The following LHFPL4 variants were observed in gnomAD, a reference collection of about 807,000 sequenced individuals.
The protein encoded by LHFPL4 is LHFPL tetraspan subfamily member 4 protein.
In LHFPL4, 6 loss-of-function variants were observed where a neutral mutation model predicts 20.0. That is an observed-to-expected ratio of 0.30 (90% CI 0.16 to 0.59). The LOEUF is 0.59. Among genes scored for constraint, LHFPL4 ranks in the 20% least tolerant of loss-of-function variants. The probability of loss-of-function intolerance (pLI) is 0.88; values close to 1 mark genes in which losing one functional copy is unlikely to be tolerated. For synonymous variants in LHFPL4, 129 were observed against 143.8 expected, an observed-to-expected ratio of 0.90 and a Z score of 0.74; for missense variants, 215 against 331.2, an observed-to-expected ratio of 0.65 and a Z score of 2.72.
At chr3:9,529,256 T>G (rs559308417) in intron 2 of LHFPL4, among the ~76,000 whole-genome samples, 3 of 151,858 alleles carry the variant, frequency 2.0e-5, no homozygotes, top group Non-Finnish European at 4.4e-5. Context: ...CTCGAACTCC[T>G]GATCTTGTGA....
intron 2 of LHFPL4, among the ~76,000 whole-genome samples, chr3:9,545,110 G>C (rs561587502): frequency 6.6e-6 from 1 of 152,178 alleles, no homozygotes; most frequent in South Asian, 2.1e-4. Context: ...ACAAGAAGAG[G>C]GGTGGGGAGA....
chr3:9,505,598 G>A (rs1483193641), intron 3 of LHFPL4, among the ~76,000 whole-genome samples: 3 of 152,084 alleles, frequency 2.0e-5, no homozygotes, highest in Admixed American at 6.6e-5. Context: ...TAATTTTTTT[G>A]TATTTTTAGT....
At chr3:9,524,995 G>GC (rs1553647802) in intron 2 of LHFPL4, among the ~76,000 whole-genome samples, 1 of 152,070 alleles carries the variant, frequency 6.6e-6, no homozygotes, top group Non-Finnish European at 1.5e-5. Context: ...AGTTGTTGCT[G>GC]TTTTTTTCTT....
intron 2 of LHFPL4, among the ~76,000 whole-genome samples, chr3:9,537,335 C>T (rs1358295216): frequency 6.6e-6 from 1 of 152,142 alleles, no homozygotes; most frequent in Non-Finnish European, 1.5e-5. Context: ...GGTTCCAGAC[C>T]TTGAGGGGCT....
At position 9,499,316 on chromosome 3, in the gene LHFPL4, C is replaced by A. The variant is rs758794062; in HGVS notation, c.*2895G>T. The A allele has an allele frequency of 6.5e-6, 1 of 152,684 alleles. No homozygotes were observed. Among genetic ancestry groups the A allele is most frequent in the Non-Finnish European group, 1.5e-5 (1 of 68,422 alleles). 9.5% of individuals were successfully genotyped at this position (152,684 alleles called of 1,614,324 possible). On this transcript the variant is annotated 3_prime_UTR_variant, in exon 4 of 4. Transcript: ENST00000287585. ...TCACCTGGGGCCCCCACTGGAGCAC[C>A]TGCCACCTGCCCCATCCACACCTCT...
intron 2 of LHFPL4, among the ~76,000 whole-genome samples, chr3:9,517,263 T>A (rs866568577): frequency 2.0e-5 from 3 of 152,144 alleles, no homozygotes; most frequent in African/African-American, 7.2e-5. Context: ...AGGATTGTGA[T>A]TGAGATTGCA....
chr3:9,510,953 A>C, intron 2 of LHFPL4, among the ~76,000 whole-genome samples: 1 of 150,734 alleles, frequency 6.6e-6, no homozygotes, highest in Non-Finnish European at 1.5e-5. Context: ...TAAATAAATA[A>C]ATAAATAAAT....
intron 2 of LHFPL4, among the ~76,000 whole-genome samples, chr3:9,527,755 T>C (rs746859612): frequency 3.3e-5 from 5 of 151,622 alleles, no homozygotes; most frequent in Admixed American, 6.6e-5. Flanking sequence ...GGCGGAATAA[T>C]TTTTTTAAAA....
chr3:9,547,446 G>A (rs1408184169), intron 2 of LHFPL4, among the ~76,000 whole-genome samples: 1 of 152,212 alleles, frequency 6.6e-6, no homozygotes, highest in Non-Finnish European at 1.5e-5. Context: ...TTATAGCTCT[G>A]TAATTTGTGT....
chr3:9,523,055 A>AAG (rs1553647459), intron 2 of LHFPL4, among the ~76,000 whole-genome samples: 38 of 122,806 alleles, frequency 3.1e-4, no homozygotes, highest in Admixed American at 9.2e-4. Context: ...AAAAAAAAAA[A>AAG]AAAGAAAGAA....
At chr3:9,547,787 C>CTTTGTTTTGTTTTGTTTTGTTTTGT (rs368545231) in intron 2 of LHFPL4, among the ~76,000 whole-genome samples, 3 of 146,594 alleles carry the variant, frequency 2.0e-5, no homozygotes, top group Non-Finnish European at 4.4e-5. Context: ...GATTTTTGTT[C>CTTTGTTTTGTTTTGTTTTGTTTTGT]TTTGTTTTGT....
intron 2 of LHFPL4, among the ~76,000 whole-genome samples, chr3:9,546,601 C>T (rs890120482): frequency 6.6e-6 from 1 of 152,150 alleles, no homozygotes; most frequent in African/African-American, 2.4e-5. Context: ...GAACTTGTCC[C>T]TTCTCTCTGA....
At chr3:9,516,260 A>C (rs1383949930) in intron 2 of LHFPL4, among the ~76,000 whole-genome samples, 4 of 152,122 alleles carry the variant, frequency 2.6e-5, no homozygotes, top group Admixed American at 2.6e-4. Context: ...TGAAGAGTGT[A>C]AGGTCTATGT....
chr3:9,515,341 T>C (rs1442637797), intron 2 of LHFPL4, among the ~76,000 whole-genome samples: 1 of 152,148 alleles, frequency 6.6e-6, no homozygotes, highest in East Asian at 1.9e-4. Flanking sequence ...TTTAATTAGG[T>C]TGTTTCTTTT....
Position 9,498,756 on chromosome 3 carries a change from C to A in LHFPL4, c.*3455G>T, listed in dbSNP as rs1369343709. 1 of 152,668 alleles carries A rather than the reference C, an allele frequency of 6.6e-6. No homozygotes were observed. The highest frequency in any genetic ancestry group is 1.5e-5 in the Non-Finnish European group (1 of 68,052). The allele number at this position is 152,668 out of a possible 1,614,324, so 9.5% of individuals were successfully genotyped here. A position where few individuals can be genotyped will look rare whatever the true frequency, so the allele number is the denominator to read the frequency against. On this transcript the variant is annotated 3_prime_UTR_variant, in exon 4 of 4. Coordinates refer to ENST00000287585, the MANE Select transcript of LHFPL4 (RefSeq NM_198560.3). ...CACTGGAAGCTGGAGAAAGGTTATT[C>A]CCCGTGTGCCCAAGCAGGATGCTCA...
At chr3:9,503,571 A>G (rs1450743164) in intron 3 of LHFPL4, among the ~76,000 whole-genome samples, 1 of 152,146 alleles carries the variant, frequency 6.6e-6, no homozygotes, top group Non-Finnish European at 1.5e-5. Context: ...AAGAGCTTGG[A>G]CTTTGGACTT....
chr3:9,548,339 A>G (rs1157854565), intron 2 of LHFPL4, among the ~76,000 whole-genome samples: 1 of 152,190 alleles, frequency 6.6e-6, no homozygotes, highest in African/African-American at 2.4e-5. Flanking sequence ...GCAGTATCCA[A>G]CTGCTGCTGA....
At chr3:9,502,372 G>T (rs369592514) in intron 3 of LHFPL4, 61 bp from the exon 4 acceptor site, 6 of 1,271,024 alleles carry the variant, frequency 4.7e-6, no homozygotes. Context: ...GGCTGCCTGG[G>T]CATTCAGGCT....
chr3:9,538,911 G>T (rs2046460313), intron 2 of LHFPL4, among the ~76,000 whole-genome samples: 1 of 151,808 alleles, frequency 6.6e-6, no homozygotes. Flanking sequence ...CATTGGCCAG[G>T]CTGGTCTTGA....
Sources: gnomAD v4.1 joint callset for allele counts (sites outside exome capture counted in the v4.1 genomes callset) on GRCh38, gnomAD v4.1.1 for gene constraint, MANE v1.5 for transcripts, NCBI Gene and HGNC (gene_info 2026-07-23, HGNC 2026-07-21) for gene names.